Variants in CDH18 observed in about 807,000 individuals in gnomAD.
CDH18 encodes the protein cadherin-18.
Under a neutral mutation model 67.9 loss-of-function variants are expected in CDH18, and 31 were observed. The ratio of observed to expected loss-of-function variants is 0.46; its 90% CI spans 0.34 to 0.62. CDH18 has a LOEUF of 0.62. CDH18 is among the 20% of genes least tolerant of loss of function. The probability of loss-of-function intolerance (pLI) is 0.01; values close to 1 mark genes in which losing one functional copy is unlikely to be tolerated. For synonymous variants in CDH18, 362 were observed against 347.2 expected (o/e 1.04, Z -0.48); for missense variants, 890 against 975.5 (o/e 0.91, Z 1.17).
In CDH18 at chr5:19,744,503, TACACACAC is replaced by T. The variant is rs34059092; in HGVS notation, c.523+2431_523+2438del. Among the ~76,000 whole-genome samples, 46 of 146,366 alleles carry T rather than the reference TACACACAC, an allele frequency of 3.1e-4. No individual in the cohort carries two copies. The South Asian group carries it at 3.6e-3, about 11-fold the overall frequency. On this transcript the variant is annotated intron_variant, in intron 4 of 12. Transcript: ENST00000382275. The stretch of plus-strand genomic sequence containing the variant: ...AATATCCATTTGTATTAACTCAGTG[TACACACAC>T]ACACACACACACACACACACACACA...
At chr5:19,575,922 G>A (rs1742238518) in intron 7 of CDH18, among the ~76,000 whole-genome samples, 1 of 152,098 alleles carries the variant, frequency 6.6e-6, no homozygotes, top group African/African-American at 2.4e-5. Context: ...CCACTTGCAG[G>A]ATGAAACTCT....
chr5:20,220,904 T>C (rs1033117030), intron 2 of CDH18, among the ~76,000 whole-genome samples: 12 of 152,040 alleles, frequency 7.9e-5, no homozygotes, highest in Non-Finnish European at 1.8e-4. Context: ...AAAATTCAAA[T>C]GAAAACTACA....
At chr5:19,665,706 A>T (rs978784428) in intron 5 of CDH18, among the ~76,000 whole-genome samples, 1 of 152,102 alleles carries the variant, frequency 6.6e-6, no homozygotes, top group Admixed American at 6.6e-5. Context: ...AATGAAAATC[A>T]TTTCTCATGG....
intron 7 of CDH18, among the ~76,000 whole-genome samples, chr5:19,580,852 G>T (rs1323585122): frequency 3.3e-5 from 5 of 151,800 alleles, no homozygotes; most frequent in Non-Finnish European, 5.9e-5. Context: ...AATAAGTAGT[G>T]TAATATAATA....
At position 19,721,341 on chromosome 5, in the gene CDH18, A is replaced by G; in HGVS notation, c.643+6T>C. 1 of 1,590,856 alleles carries G rather than the reference A, an allele frequency of 6.3e-7. No homozygotes were observed. Among genetic ancestry groups the G allele is most frequent in the Non-Finnish European group, 8.6e-7 (1 of 1,164,340 alleles). On this transcript the variant is annotated splice_donor_region_variant and intron_variant, in intron 5 of 12. Transcript: ENST00000382275. ...TTGCATGCGAGTTATGTGTAAATGC[A>G]CTAACCTGTTTTAGGGTCGACGGAG...
chr5:19,668,956 T>C (rs989884326), intron 5 of CDH18, among the ~76,000 whole-genome samples: 2 of 151,308 alleles, frequency 1.3e-5, no homozygotes, highest in Non-Finnish European at 2.9e-5. Context: ...TAAATCTAAA[T>C]CTGAAATATG....
chr5:19,777,094 A>C (rs1475914791), intron 3 of CDH18, among the ~76,000 whole-genome samples: 4 of 152,130 alleles, frequency 2.6e-5, no homozygotes, highest in African/African-American at 4.8e-5. Context: ...AGCATGTCCA[A>C]CATGGTAAAA....
chr5:20,045,831 A>T (rs1740848321), intron 2 of CDH18, among the ~76,000 whole-genome samples: 1 of 152,030 alleles, frequency 6.6e-6, no homozygotes. Flanking sequence ...CTTCAGAGAA[A>T]TTCAAGGCCA....
intron 5 of CDH18, among the ~76,000 whole-genome samples, chr5:19,639,172 T>G (rs1215103413): frequency 1.3e-5 from 2 of 151,836 alleles, no homozygotes; most frequent in Admixed American, 6.6e-5. Context: ...CTGGCTAATT[T>G]TTTGTATTTT....
chr5:20,154,524 T>C (rs1751373055), intron 2 of CDH18, among the ~76,000 whole-genome samples: 1 of 152,144 alleles, frequency 6.6e-6, no homozygotes, highest in African/African-American at 2.4e-5. Context: ...TAAAAAATTT[T>C]AACAACATTT....
At chr5:20,149,601 G>A (rs370735671) in intron 2 of CDH18, among the ~76,000 whole-genome samples, 1 of 152,134 alleles carries the variant, frequency 6.6e-6, no homozygotes, top group Non-Finnish European at 1.5e-5. Context: ...CCATTTCCAT[G>A]TAAGTCTACA....
Position 20,249,446 on chromosome 5 carries a change from G to A in CDH18, c.-518+5998C>T, listed in dbSNP as rs189116423. Among the ~76,000 whole-genome samples, 93 of 146,662 alleles carry A rather than the reference G, an allele frequency of 6.3e-4. 1 individual carries two copies. Among genetic ancestry groups the A allele is most frequent in the Non-Finnish European group, 3.9e-4 (26 of 67,300 alleles). The stretch of plus-strand genomic sequence containing the variant: ...CGCCCAGGCTGCAGTTCAGTGGCGC[G>A]ATATTGGCTCACTGCAAGCTCCGCC... On this transcript the variant is annotated intron_variant, in intron 2 of 14. Coordinates refer to the CDH18 transcript ENST00000507958.
At chr5:19,799,056 G>T (rs1777147976) in intron 3 of CDH18, among the ~76,000 whole-genome samples, 1 of 152,032 alleles carries the variant, frequency 6.6e-6, no homozygotes, top group South Asian at 2.1e-4. Flanking sequence ...ATGGACACAG[G>T]TGTGCAGGTA....
intron 2 of CDH18, among the ~76,000 whole-genome samples, chr5:19,909,336 C>T (rs1316010927): frequency 6.9e-6 from 1 of 145,608 alleles, no homozygotes; most frequent in Non-Finnish European, 1.5e-5. Flanking sequence ...GGTCTTGCTC[C>T]TTGCCCTGCC....
intron 2 of CDH18, among the ~76,000 whole-genome samples, chr5:19,854,120 G>A (rs1784010483): frequency 6.6e-6 from 1 of 152,004 alleles, no homozygotes; most frequent in Non-Finnish European, 1.5e-5. Flanking sequence ...ATGAGACATG[G>A]ACATTAGGAT....
intron 7 of CDH18, among the ~76,000 whole-genome samples, chr5:19,575,385 T>C (rs1742150267): frequency 6.6e-6 from 1 of 152,212 alleles, no homozygotes; most frequent in African/African-American, 2.4e-5. Flanking sequence ...AAGTATAACA[T>C]GGGTATGTAT....
At chr5:20,439,574 T>C (rs1561003489) in intron 1 of CDH18, among the ~76,000 whole-genome samples, 1 of 151,734 alleles carries the variant, frequency 6.6e-6, no homozygotes, top group Non-Finnish European at 1.5e-5. Flanking sequence ...AGTCATTAAA[T>C]TGATTTTATA....
intron 1 of CDH18, among the ~76,000 whole-genome samples, chr5:20,294,708 T>C (rs1401273056): frequency 6.6e-6 from 1 of 152,236 alleles, no homozygotes; most frequent in Non-Finnish European, 1.5e-5. Flanking sequence ...CTACAGTACA[T>C]ACTTTCTGTA....
chr5:19,835,707 T>A (rs1781549019), intron 3 of CDH18, among the ~76,000 whole-genome samples: 1 of 152,080 alleles, frequency 6.6e-6, no homozygotes, highest in African/African-American at 2.4e-5. Flanking sequence ...AAAAAAAATC[T>A]GTACAATTAA....
Sources: gnomAD v4.1 joint callset for allele counts (sites outside exome capture counted in the v4.1 genomes callset) on GRCh38, gnomAD v4.1.1 for gene constraint, MANE v1.5 for transcripts, NCBI Gene and HGNC (gene_info 2026-07-23, HGNC 2026-07-21) for gene names.